POLR1A: variants seen among roughly 807,000 people sequenced by gnomAD.
POLR1A encodes the protein RNA polymerase I subunit A.
Under a neutral mutation model 205.3 loss-of-function variants are expected in POLR1A, and 84 were observed. The ratio of observed to expected loss-of-function variants is 0.41; its 90% CI spans 0.34 to 0.49. The LOEUF (loss-of-function observed/expected upper bound fraction) is 0.49, where lower values mean the gene tolerates loss of function less well. Among genes scored for constraint, POLR1A ranks in the 20% least tolerant of loss-of-function variants. The probability of loss-of-function intolerance (pLI) is 0.22; values close to 1 mark genes in which losing one functional copy is unlikely to be tolerated. For missense variants in POLR1A, 1,645 were observed against 2,204.5 expected (o/e 0.75, Z 5.08); for synonymous variants, 799 against 863.7 (o/e 0.93, Z 1.31).
At chr2:86,033,982 C>T (rs1181360671) in intron 27 of POLR1A, among the ~76,000 whole-genome samples, 195 bp from the exon 28 acceptor site, 1 of 152,218 alleles carries the variant, frequency 6.6e-6, no homozygotes, top group Non-Finnish European at 1.5e-5. Flanking sequence ...ACACCGGTTC[C>T]ACAGTCCAAC....
rs1471703182 is a variant in POLR1A, at chr2:86,020,658, T to C, written c.*6765A>G. ...CAATGTTAACCCGCATCTATGTGTA[T>C]GTGGCAGGGTTTCCTCAACCTCGGC... On this transcript the variant is annotated 3_prime_UTR_variant, in exon 34 of 34. Coordinates refer to ENST00000263857, the MANE Select transcript of POLR1A (RefSeq NM_015425.6). 6.6e-6 allele frequency: 1 copy of C among 152,116 alleles called. No individual in the cohort carries two copies. Among genetic ancestry groups the C allele is most frequent in the Non-Finnish European group, 1.5e-5 (1 of 68,048 alleles). The allele number at this position is 152,116 out of a possible 1,614,324, so 9.4% of individuals were successfully genotyped here. A position where few individuals can be genotyped will look rare whatever the true frequency, so the allele number is the denominator to read the frequency against.
rs952124363 is a variant in POLR1A at position 86,024,965 on chromosome 2, C to T, written c.*2458G>A. The T allele has an allele frequency of 2.0e-5, 3 of 152,104 alleles. No individual in the cohort carries two copies. The highest frequency in any genetic ancestry group is 4.4e-5 in the Non-Finnish European group (3 of 68,056). The allele number at this position is 152,104 out of a possible 1,614,324, so 9.4% of individuals were successfully genotyped here. ...TAGCCTGGCCAACATGGTGAAACCC[C>T]ATCTCTACTAAAAATACAAAAATTA... On this transcript the variant is annotated 3_prime_UTR_variant, in exon 34 of 34. Transcript: ENST00000263857.
intron 3 of POLR1A, among the ~76,000 whole-genome samples, chr2:86,090,144 A>G (rs1396947420): frequency 6.6e-6 from 1 of 152,174 alleles, no homozygotes; most frequent in Admixed American, 6.5e-5. Flanking sequence ...CTGTAATCCC[A>G]GCACTTTGGG....
chr2:86,105,850 T>A lies in POLR1A; in HGVS notation c.-74A>T, dbSNP rs938997706. 1 of 1,362,358 alleles carries A rather than the reference T, an allele frequency of 7.3e-7. No homozygotes were observed. 84.4% of individuals were successfully genotyped at this position (1,362,358 alleles called of 1,614,324 possible). A position where few individuals can be genotyped will look rare whatever the true frequency, so the allele number is the denominator to read the frequency against. Reference sequence around the variant, plus strand: ...CCACCTGACTATTCTTAATTCAACCTCAAGCCCGGAGTCACCACGCGATTC... The same window carrying A: ...CCACCTGACTATTCTTAATTCAACCACAAGCCCGGAGTCACCACGCGATTC... On this transcript the variant is annotated 5_prime_UTR_variant, in exon 1 of 34. Coordinates refer to ENST00000263857, the MANE Select transcript of POLR1A (RefSeq NM_015425.6).
chr2:86,056,379 G>T (rs1479324436), intron 14 of POLR1A, among the ~76,000 whole-genome samples: 5 of 151,736 alleles, frequency 3.3e-5, no homozygotes, highest in Non-Finnish European at 7.4e-5. Context: ...TTTAACCAGG[G>T]AATTGGAGGT....
chr2:86,044,195 G>A lies in POLR1A; in HGVS notation c.3079C>T (p.Pro1027Ser). 1 of 1,614,146 alleles carries A rather than the reference G, an allele frequency of 6.2e-7. No homozygotes were observed. Among genetic ancestry groups the A allele is most frequent in the Non-Finnish European group, 8.5e-7 (1 of 1,180,018 alleles). The stretch of plus-strand genomic sequence containing the variant: ...TTGGGCTGCAGGAACTGTGTCTTGG[G>A]GATGTCCAGGCCATCCTCCCCATAC... Reference protein sequence around the residue: ...FLYGEDGLDIPKTQFLQPKQF... With the variant: ...FLYGEDGLDISKTQFLQPKQF... Residue 1027 changes from proline to serine, a missense_variant, in exon 22 of 34, where the codon CCC becomes TCC. By Grantham distance (74) the Pro-to-Ser change is moderately conservative. This residue lies in a region of POLR1A where 201 missense variants were observed against 222.3 expected (regional missense o/e 0.90). Coordinates refer to ENST00000263857, the MANE Select transcript of POLR1A (RefSeq NM_015425.6).
chr2:86,089,498 G>T (rs1173753676), intron 4 of POLR1A, among the ~76,000 whole-genome samples: 1 of 152,264 alleles, frequency 6.6e-6, no homozygotes, highest in African/African-American at 2.4e-5. Context: ...GGGAGAATAA[G>T]GTAGCAGTGG....
intron 16 of POLR1A, among the ~76,000 whole-genome samples, chr2:86,049,894 C>G (rs770381737): frequency 4.6e-5 from 7 of 152,088 alleles, no homozygotes; most frequent in Non-Finnish European, 1.0e-4. Flanking sequence ...TCCACATCAA[C>G]TCTTGATCAA....
rs1293846170 is a variant in POLR1A, at chr2:86,029,656, G to A, written c.4779+540C>T. Among the ~76,000 whole-genome samples the A allele has an allele frequency of 3.3e-5, 5 of 150,622 alleles. No individual in the cohort carries two copies. The East Asian group carries it at 9.7e-4, about 29-fold the overall frequency. On this transcript the variant is annotated intron_variant, in intron 31 of 33. Coordinates refer to ENST00000263857, the MANE Select transcript of POLR1A (RefSeq NM_015425.6). ...CTGTCCCCCAGGCTGGAGTGCAGCG[G>A]CGCAATCTTGGTTTACTGCAAGCTC...
In POLR1A at chr2:86,040,326, T is replaced by C. The variant is rs2104388004; in HGVS notation, c.3740+66A>G. 2.3e-6 allele frequency: 3 copies of C among 1,303,642 alleles called. No individual in the cohort carries two copies. The South Asian group carries it at 5.0e-5, about 22-fold the overall frequency. 80.8% of individuals were successfully genotyped at this position (1,303,642 alleles called of 1,614,324 possible). On this transcript the variant is annotated intron_variant, in intron 25 of 33. Coordinates refer to ENST00000263857, the MANE Select transcript of POLR1A (RefSeq NM_015425.6). ...ACACACACTCACTCACCCCCTCTCA[T>C]TAAATGGCCCCTTCTCCAGGAGAGG...
intron 30 of POLR1A, 103 bp downstream of exon 30, chr2:86,031,227 C>T (rs1347322839): frequency 9.8e-6 from 14 of 1,429,000 alleles, no homozygotes; most frequent in Admixed American, 4.9e-5. Context: ...ATGTTGGCTG[C>T]CCCCTGCCCA....
At chr2:86,033,883 G>C (rs1672447430) in intron 27 of POLR1A, 96 bp from the exon 28 acceptor site, 2 of 1,467,176 alleles carry the variant, frequency 1.4e-6, no homozygotes, top group Non-Finnish European at 1.9e-6. Flanking sequence ...TTCCCACAGG[G>C]GATCAGTGCA....
At chr2:86,053,270 C>T (rs1293084295) in intron 15 of POLR1A, among the ~76,000 whole-genome samples, 1 of 152,102 alleles carries the variant, frequency 6.6e-6, no homozygotes, top group Non-Finnish European at 1.5e-5. Context: ...GACATACACA[C>T]ACACTCACAC....
intron 13 of POLR1A, among the ~76,000 whole-genome samples, chr2:86,067,435 G>A (rs190987267): frequency 6.6e-6 from 1 of 151,772 alleles, no homozygotes; most frequent in Non-Finnish European, 1.5e-5. Context: ...TAAATAAACA[G>A]AAGGAAAAAA....
At chr2:86,043,991 G>T (rs770820961) in intron 22 of POLR1A, 148 bp downstream of exon 22, 7 of 677,984 alleles carry the variant, frequency 1.0e-5, no homozygotes, top group Non-Finnish European at 1.7e-5. Context: ...GTGTTTCAGG[G>T]CACTGACCGG....
chr2:86,072,474 G>T (rs1214082629), intron 12 of POLR1A, among the ~76,000 whole-genome samples: 1 of 152,244 alleles, frequency 6.6e-6, no homozygotes, highest in Admixed American at 6.5e-5. Flanking sequence ...GCCACAGCTG[G>T]GAAGGTACAC....
rs145477454 is a variant in POLR1A at position 86,058,261 on chromosome 2, T to A, written c.2059-3972A>T. ...GATTACAGGCATGTGCCACCATGCC[T>A]GGATAATTTTTGTATTTTTAGTAGA... On this transcript the variant is annotated intron_variant, in intron 14 of 33. Transcript: ENST00000263857. Among the ~76,000 whole-genome samples the A allele has an allele frequency of 6.8e-3, 1,034 of 152,166 alleles. 21 individuals carry two copies. Among genetic ancestry groups the A allele is most frequent in the African/African-American group, 0.024 (991 of 41,522 alleles).
rs1240694441 is a variant in POLR1A at position 86,031,512 on chromosome 2, C to A, written c.4396G>T (p.Val1466Leu). 6.2e-7 allele frequency: 1 copy of A among 1,614,234 alleles called. No homozygotes were observed. The highest frequency in any genetic ancestry group is 2.2e-5 in the East Asian group (1 of 44,880). The change falls in exon 30 of 34, where the codon GTG becomes TTG. Residue 1466 changes from valine to leucine, a missense_variant. By Grantham distance (32) the Val-to-Leu change is conservative. Transcript: ENST00000263857. ...ARKTQEQDEE[V>L]GLGTEEDPSL... ...GGGTCCTCCTCAGTGCCTAAGCCCA[C>A]CTCTTCATCTTGCTCTTGGGTCTTT...
In POLR1A at chr2:86,032,491, AC is replaced by A. The variant is rs1249293925; in HGVS notation, c.4162-110del. On this transcript the variant is annotated intron_variant, in intron 28 of 33. Transcript: ENST00000263857. ...CATCCATCCATGCCCCACCCTTCTA[AC>A]CCCTTCTCCCATCCAGCCACCACCC... is the stretch of plus-strand genomic sequence containing the variant. 8.8e-6 allele frequency: 7 copies of A among 797,976 alleles called. No homozygotes were observed. In the Admixed American group the frequency reaches 1.3e-4, roughly 15 times the overall value. 49.4% of individuals were successfully genotyped at this position (797,976 alleles called of 1,614,324 possible).
Sources: allele counts gnomAD v4.1 joint callset (sites outside exome capture counted in the v4.1 genomes callset), GRCh38; gene constraint gnomAD v4.1.1; regional missense constraint gnomAD v4.1.1; transcripts MANE v1.5; gene names NCBI Gene and HGNC (gene_info 2026-07-23, HGNC 2026-07-21).